The following NEXMIF variants were observed in gnomAD, a reference collection of about 807,000 sequenced individuals.
NEXMIF encodes neurite extension and migration factor.
NEXMIF carries 8 observed loss-of-function variants against 62.1 expected under a neutral mutation model. The observed-to-expected ratio is 0.13, with a 90% confidence interval of 0.08 to 0.23. The LOEUF (loss-of-function observed/expected upper bound fraction) is 0.23, where lower values mean the gene tolerates loss of function less well. Ranked by LOEUF, NEXMIF falls within the 10% of genes least tolerant of loss-of-function variation. NEXMIF has a pLI of 1.00. For synonymous variants in NEXMIF, 404 were observed against 416.6 expected, an observed-to-expected ratio of 0.97 and a Z score of 0.37; for missense variants, 976 against 1,113.3, an observed-to-expected ratio of 0.88 and a Z score of 1.75.
intron 1 of NEXMIF, among the ~76,000 whole-genome samples, chrX:74,884,349 G>A (rs1312236472): frequency 9.0e-6 from 1 of 111,646 alleles, no homozygotes. Context: ...GAACAGACTG[G>A]CAAATTGGAT....
chrX:74,842,582 T>C (rs1024382567), intron 1 of NEXMIF, among the ~76,000 whole-genome samples: 11 of 111,960 alleles, frequency 9.8e-5, no homozygotes, highest in African/African-American at 3.6e-4. Context: ...ATTTGAGATC[T>C]TTCTAACTTT....
In NEXMIF at chrX:74,925,370, C is replaced by T. The variant is rs551979329; in HGVS notation, c.-535G>A. 2.1e-4 allele frequency: 36 copies of T among 167,446 alleles called. 1 individual carries two copies. The South Asian group carries it at 2.8e-3, about 13-fold the overall frequency. 13.8% of individuals were successfully genotyped at this position (167,446 alleles called of 1,213,427 possible). On this transcript the variant is annotated 5_prime_UTR_variant, in exon 1 of 4. Transcript: ENST00000055682. The stretch of plus-strand genomic sequence containing the variant: ...TAGCTGTTAAAGCTATTGCTAAATG[C>T]TGCTACTGCCGCTAATGCTACTGCT...
Position 74,741,787 on chromosome X carries a change from T to C in NEXMIF, c.2770A>G (p.Met924Val). The C allele has an allele frequency of 8.3e-7, 1 of 1,212,065 alleles. No individual in the cohort carries two copies. The highest frequency in any genetic ancestry group is 1.1e-6 in the Non-Finnish European group (1 of 895,520). ...GTTGTAGGTGTGAGGTTATTTTCCA[T>C]GGAGACTACTTGGGAGGCTCCAAAT... ...SEFGASQVVS[M>V]ENNLTPTTYN... The change falls in exon 3 of 4, where the codon ATG (methionine) becomes GTG (valine). Residue 924 changes from methionine (M) to valine (V), a missense_variant. Transcript: ENST00000055682.
chrX:74,842,186 T>C (rs140235557), intron 1 of NEXMIF, among the ~76,000 whole-genome samples: 2,708 of 111,710 alleles, frequency 0.024, 34 homozygotes, highest in Non-Finnish European at 0.041. Context: ...GGGAATCAAG[T>C]TCTTTCTGGC....
intron 1 of NEXMIF, among the ~76,000 whole-genome samples, chrX:74,917,838 TTG>T (rs1455481855): frequency 3.6e-5 from 4 of 111,491 alleles, no homozygotes; most frequent in Admixed American, 1.9e-4. Flanking sequence ...AATGATGAAC[TTG>T]TGTGTGGGGT....
chrX:74,881,315 T>C (rs2080661925), intron 1 of NEXMIF, among the ~76,000 whole-genome samples: 1 of 109,108 alleles, frequency 9.2e-6, no homozygotes, highest in African/African-American at 3.4e-5. Context: ...AGCACAGTGA[T>C]ACTCTTAAGG....
chrX:74,789,216 T>A (rs1249463545), intron 1 of NEXMIF, among the ~76,000 whole-genome samples: 2 of 101,922 alleles, frequency 2.0e-5, no homozygotes, highest in South Asian at 9.9e-4. Context: ...TGAGTGAGAA[T>A]ATGCGGTGTT....
chrX:74,747,497 C>T (rs1289945431), intron 1 of NEXMIF, among the ~76,000 whole-genome samples: 2 of 112,003 alleles, frequency 1.8e-5, no homozygotes, highest in African/African-American at 6.5e-5. Flanking sequence ...CAAGTTTCCA[C>T]ATGTTACTGA....
chrX:74,790,456 CGGGCTCTTTTTT>C (rs2080277042), intron 1 of NEXMIF, among the ~76,000 whole-genome samples: 1 of 111,610 alleles, frequency 9.0e-6, no homozygotes, highest in East Asian at 2.8e-4. Flanking sequence ...CTTGGCGATG[CGGGCTCTTTTTT>C]GGTTCCATAT....
intron 1 of NEXMIF, among the ~76,000 whole-genome samples, chrX:74,877,338 G>C (rs777829047): frequency 2.9e-3 from 319 of 111,921 alleles, no homozygotes; most frequent in African/African-American, 9.4e-3. Context: ...CTTCTGGCTT[G>C]TAGAGTTTCT....
chrX:74,855,763 G>A (rs770914976), intron 1 of NEXMIF, among the ~76,000 whole-genome samples: 2 of 112,106 alleles, frequency 1.8e-5, no homozygotes, highest in African/African-American at 6.5e-5. Flanking sequence ...CCTTCACAAA[G>A]ACTGGGAGAT....
At chrX:74,882,279 GGGAGTGCT>G (rs2080667833) in intron 1 of NEXMIF, among the ~76,000 whole-genome samples, 1 of 110,788 alleles carries the variant, frequency 9.0e-6, no homozygotes, top group Non-Finnish European at 1.9e-5. Context: ...CATCTCACTG[GGGAGTGCT>G]GGACAGTTGG....
intron 1 of NEXMIF, among the ~76,000 whole-genome samples, chrX:74,815,635 CTT>C (rs1216144220): frequency 6.0e-5 from 6 of 99,547 alleles, no homozygotes; most frequent in Admixed American, 1.1e-4. Flanking sequence ...TCTACAACTA[CTT>C]TTTTTTTTTT....
intron 1 of NEXMIF, among the ~76,000 whole-genome samples, chrX:74,836,184 C>T (rs1158653541): frequency 8.9e-6 from 1 of 112,422 alleles, no homozygotes; most frequent in Non-Finnish European, 1.9e-5. Context: ...GTGACTCACC[C>T]TTCAGGGCTA....
chrX:74,752,699 C>A (rs1373450719), intron 1 of NEXMIF, among the ~76,000 whole-genome samples: 3 of 111,647 alleles, frequency 2.7e-5, no homozygotes, highest in Non-Finnish European at 5.6e-5. Flanking sequence ...TCAAGAATAG[C>A]CAGCCTCCTC....
chrX:74,811,661 C>T (rs1405386182), intron 1 of NEXMIF, among the ~76,000 whole-genome samples: 1 of 112,635 alleles, frequency 8.9e-6, no homozygotes, highest in Non-Finnish European at 1.9e-5. Flanking sequence ...GTCAATCATT[C>T]TTCTAAACAA....
Position 74,796,142 on chromosome X carries a change from AT to A in NEXMIF, c.-47-50446del, listed in dbSNP as rs1452111274. On this transcript the variant is annotated intron_variant, in intron 1 of 3. Transcript: ENST00000055682. ...ATATATATTTATATATAATATATAT[AT>A]TATATATATACATATATATTATATA... 1.3e-3 allele frequency among the ~76,000 whole-genome samples: 97 copies of A among 75,588 alleles called. 1 individual carries two copies. Among genetic ancestry groups the A allele is most frequent in the African/African-American group, 4.5e-3 (88 of 19,413 alleles). 65.6% of individuals were successfully genotyped at this position (75,588 alleles called of 115,157 possible). A position where few individuals can be genotyped will look rare whatever the true frequency, so the allele number is the denominator to read the frequency against.
chrX:74,885,450 A>G (rs956449797), intron 1 of NEXMIF, among the ~76,000 whole-genome samples: 2 of 111,935 alleles, frequency 1.8e-5, no homozygotes, highest in African/African-American at 6.5e-5. Flanking sequence ...CGCAATAAAA[A>G]ATGACAAAGG....
At chrX:74,892,940 G>GA (rs1556040607) in intron 1 of NEXMIF, among the ~76,000 whole-genome samples, 3 of 110,351 alleles carry the variant, frequency 2.7e-5, no homozygotes, top group African/African-American at 1.0e-4. Flanking sequence ...AGGAAAGGAT[G>GA]GAGAGAGAGA....
Sources: allele counts gnomAD v4.1 joint callset (sites outside exome capture counted in the v4.1 genomes callset), GRCh38; gene constraint gnomAD v4.1.1; transcripts MANE v1.5; gene names NCBI Gene and HGNC (gene_info 2026-07-23, HGNC 2026-07-21).